TLL1: variants seen among roughly 807,000 people sequenced by gnomAD.
TLL1 encodes the protein tolloid like 1.
Under a neutral mutation model 128.2 loss-of-function variants are expected in TLL1, and 49 were observed. The observed-to-expected ratio is 0.38, with a 90% CI of 0.30 to 0.48. TLL1 has a LOEUF of 0.48. TLL1 is among the 20% of genes least tolerant of loss of function. The pLI, the probability that TLL1 is intolerant of heterozygous loss-of-function variation, is 0.96. For missense variants in TLL1, 1,123 were observed against 1,242.0 expected, an observed-to-expected ratio of 0.90 and a Z score of 1.44; for synonymous variants, 454 against 418.8, an observed-to-expected ratio of 1.08 and a Z score of -1.03.
At chr4:166,073,841 T>C (rs940601769) in intron 16 of TLL1, among the ~76,000 whole-genome samples, 3 of 152,120 alleles carry the variant, frequency 2.0e-5, no homozygotes, top group Admixed American at 1.3e-4. Flanking sequence ...ACCAAGAGCT[T>C]GCTAGTGCTC....
At chr4:166,024,918 C>T (rs141297853) in intron 8 of TLL1, among the ~76,000 whole-genome samples, 128 of 152,114 alleles carry the variant, frequency 8.4e-4, no homozygotes, top group African/African-American at 3.0e-3. Context: ...TTAAGCTTAG[C>T]CTCAATTTAA....
chr4:166,052,448 C>T lies in TLL1; in HGVS notation c.1525-2628C>T, dbSNP rs552588710. Among the ~76,000 whole-genome samples the T allele has an allele frequency of 2.3e-3, 352 of 152,180 alleles. 1 individual carries two copies. Among genetic ancestry groups the T allele is most frequent in the South Asian group, 0.011 (52 of 4,814 alleles). ...TAGCTGGGATTACAGGTGCCTGCCACCATGCCCAGCTAATTGTTTTGTATT... is the reference window on the plus strand; with the variant it reads ...TAGCTGGGATTACAGGTGCCTGCCATCATGCCCAGCTAATTGTTTTGTATT... On this transcript the variant is annotated intron_variant, in intron 12 of 20. Coordinates refer to ENST00000061240, the MANE Select transcript of TLL1 (RefSeq NM_012464.5).
At chr4:166,002,202 A>G (rs528901931) in intron 5 of TLL1, among the ~76,000 whole-genome samples, 2 of 152,204 alleles carry the variant, frequency 1.3e-5, no homozygotes, top group African/African-American at 4.8e-5. Flanking sequence ...CACATGTCAG[A>G]TGGGATCAGG....
chr4:165,876,091 A>G (rs187440747), intron 1 of TLL1, among the ~76,000 whole-genome samples: 1 of 152,340 alleles, frequency 6.6e-6, no homozygotes, highest in Non-Finnish European at 1.5e-5. Flanking sequence ...GTGTGTTCAC[A>G]CGCATGCATG....
In TLL1 at chr4:165,948,918, T is replaced by G. The variant is rs9684083; in HGVS notation, c.170-40463T>G. Reference sequence around the variant, plus strand: ...TGGTAGACATAATTCTAAAGATATTTCCTCAGGCTTCCTCTCTTCTGGTTA... The same window carrying G: ...TGGTAGACATAATTCTAAAGATATTGCCTCAGGCTTCCTCTCTTCTGGTTA... On this transcript the variant is annotated intron_variant, in intron 1 of 20. Coordinates refer to ENST00000061240, the MANE Select transcript of TLL1 (RefSeq NM_012464.5). Among the ~76,000 whole-genome samples the G allele has an allele frequency of 9.8e-3, 1,499 of 152,200 alleles. 25 individuals are homozygous for G. The highest frequency in any genetic ancestry group is 0.034 in the African/African-American group (1,432 of 41,538).
At chr4:165,911,202 T>C (rs1178755382) in intron 1 of TLL1, among the ~76,000 whole-genome samples, 1 of 152,200 alleles carries the variant, frequency 6.6e-6, no homozygotes, top group Non-Finnish European at 1.5e-5. Flanking sequence ...ACCCACGTTC[T>C]TCCCAGTCTC....
intron 1 of TLL1, 88 bp from the exon 2 acceptor site, chr4:165,989,292 AT>A: frequency 3.0e-6 from 3 of 994,312 alleles, no homozygotes; most frequent in Non-Finnish European, 4.7e-6. Context: ...CCACGTTTCC[AT>A]ATTTTTAACA....
At chr4:166,057,805 A>G (rs1021434172) in intron 14 of TLL1, among the ~76,000 whole-genome samples, 1 of 152,098 alleles carries the variant, frequency 6.6e-6, no homozygotes, top group Non-Finnish European at 1.5e-5. Flanking sequence ...CTTTCTCACT[A>G]TCGTGAGAAC....
intron 1 of TLL1, among the ~76,000 whole-genome samples, chr4:165,982,325 A>G (rs1463168675): frequency 2.0e-5 from 3 of 152,082 alleles, no homozygotes; most frequent in East Asian, 3.9e-4. Flanking sequence ...TATTTCATAG[A>G]TCTTCAATTT....
intron 12 of TLL1, chr4:166,044,559 T>TGCTCCAGA (rs1739376342): frequency 1.2e-6 from 1 of 834,292 alleles, no homozygotes; most frequent in Admixed American, 2.8e-5. Flanking sequence ...TTGTATTTTA[T>TGCTCCAGA]GCTCCAGACC....
chr4:166,097,115 T>C (rs1415858442), intron 19 of TLL1, among the ~76,000 whole-genome samples: 1 of 152,070 alleles, frequency 6.6e-6, no homozygotes, highest in Non-Finnish European at 1.5e-5. Context: ...TATGGATGAT[T>C]CCCTTTTTAG....
chr4:165,938,884 C>G (rs1047111718), intron 1 of TLL1, among the ~76,000 whole-genome samples: 1 of 151,632 alleles, frequency 6.6e-6, no homozygotes, highest in African/African-American at 2.4e-5. Flanking sequence ...ACATTTAAAC[C>G]TTTTTAAACA....
rs1742356085 is a variant in TLL1 at position 166,102,897 on chromosome 4, T to A, written c.*2021T>A. ...AACTTCTTCCATATTTTCTCACTAA[T>A]CTCCCGTTAGCCAAAATATGCCAGA... is the stretch of plus-strand genomic sequence containing the variant. On this transcript the variant is annotated 3_prime_UTR_variant, in exon 21 of 21. Transcript: ENST00000061240. The A allele has an allele frequency of 6.6e-6, 1 of 151,816 alleles. No individual in the cohort carries two copies. The highest frequency in any genetic ancestry group is 6.6e-5 in the Admixed American group (1 of 15,188). The allele number at this position is 151,816 out of a possible 1,614,324, so 9.4% of individuals were successfully genotyped here.
At chr4:166,015,721 G>A (rs560909006) in intron 8 of TLL1, among the ~76,000 whole-genome samples, 82 of 152,028 alleles carry the variant, frequency 5.4e-4, no homozygotes, top group African/African-American at 2.0e-3. Context: ...AAACTTCCCA[G>A]GAAGTTCATA....
chr4:165,892,421 C>T (rs933265241), intron 1 of TLL1, among the ~76,000 whole-genome samples: 4 of 152,142 alleles, frequency 2.6e-5, no homozygotes, highest in African/African-American at 9.7e-5. Context: ...GTAAGAGGCA[C>T]CATAATGCTT....
intron 18 of TLL1, among the ~76,000 whole-genome samples, chr4:166,079,169 T>C (rs1459580165): frequency 6.6e-6 from 1 of 152,134 alleles, no homozygotes; most frequent in Non-Finnish European, 1.5e-5. Flanking sequence ...AAGGTCCTGA[T>C]TGAGAGGATG....
At chr4:165,962,070 C>A (rs552157934) in intron 1 of TLL1, among the ~76,000 whole-genome samples, 50 of 152,082 alleles carry the variant, frequency 3.3e-4, no homozygotes, top group African/African-American at 1.2e-3. Context: ...CAAAAATTAA[C>A]AAGTGGGATC....
intron 1 of TLL1, among the ~76,000 whole-genome samples, chr4:165,970,388 T>C (rs1172146741): frequency 2.0e-5 from 3 of 152,086 alleles, no homozygotes. Context: ...CACAACAGAG[T>C]GTTTAACTGA....
chr4:165,986,915 C>T (rs1053699894), intron 1 of TLL1, among the ~76,000 whole-genome samples: 5 of 152,024 alleles, frequency 3.3e-5, no homozygotes, highest in Admixed American at 6.6e-5. Context: ...TGAGTGCCTC[C>T]GTTTTCAAGT....
Sources: allele counts gnomAD v4.1 joint callset (sites outside exome capture counted in the v4.1 genomes callset), GRCh38; gene constraint gnomAD v4.1.1; transcripts MANE v1.5; gene names NCBI Gene and HGNC (gene_info 2026-07-23, HGNC 2026-07-21).